The following LRRC53 variants were observed in gnomAD, a reference collection of about 807,000 sequenced individuals.
The protein encoded by LRRC53 is leucine-rich repeat-containing protein 53.
Under a neutral mutation model 13.6 loss-of-function variants are expected in LRRC53, and 25 were observed. That is an observed-to-expected ratio of 1.83 (90% CI 1.34 to 2.56). The LOEUF (loss-of-function observed/expected upper bound fraction) is 2.56. Ranked by LOEUF, LRRC53 falls within the 30% of genes most tolerant of loss-of-function variation. The pLI is 0.00. For synonymous variants in LRRC53, 204 were observed against 109.8 expected (o/e 1.86, Z -5.37); for missense variants, 527 against 275.8 (o/e 1.91, Z -6.45).
rs1054832155 is a variant in LRRC53 at position 74,471,501 on chromosome 1, G to A, written c.2121C>T (p.Asp707=). 4 of 400,424 alleles carry A rather than the reference G, an allele frequency of 1.0e-5. No homozygotes were observed. The highest frequency in any genetic ancestry group is 1.3e-5 in the Non-Finnish European group (3 of 226,138). The allele number at this position is 400,424 out of a possible 1,614,324, so 24.8% of individuals were successfully genotyped here. A position where few individuals can be genotyped will look rare whatever the true frequency, so the allele number is the denominator to read the frequency against. The stretch of plus-strand genomic sequence containing the variant: ...TTTGTCCTTTAATTTTCCCTTTGAG[G>A]TCAGACTGAGGGGTTCTCTTCCTTT... The part of the protein sequence containing the change: ...VLKRKRTPQS[D]LKGKIKGQNL... The change falls in exon 5 of 5, where the codon GAC becomes GAT. Residue 707 remains aspartate, a synonymous_variant. Transcript: ENST00000294635.
At chr1:74,529,769 G>GT in the LRRC53 span, among the ~76,000 whole-genome samples, 2 of 152,106 alleles carry the variant, frequency 1.3e-5, no homozygotes, top group East Asian at 3.9e-4. Context: ...TAAATGAAAA[G>GT]TTTTTTTAAG....
chr1:74,518,681 C>CT, the LRRC53 span, among the ~76,000 whole-genome samples: 1 of 151,978 alleles, frequency 6.6e-6, no homozygotes, highest in Non-Finnish European at 1.5e-5. Flanking sequence ...AAAACAATAT[C>CT]TGTTTTTTAA....
chr1:74,478,446 T>G (rs1570674147), intron 3 of LRRC53, among the ~76,000 whole-genome samples: 1 of 152,292 alleles, frequency 6.6e-6, no homozygotes, highest in East Asian at 1.9e-4. Context: ...TAAATATATT[T>G]CTGAATACAT....
At chr1:74,511,060 G>T (rs886260397) in intron 1 of LRRC53, among the ~76,000 whole-genome samples, 1 of 152,060 alleles carries the variant, frequency 6.6e-6, no homozygotes, top group African/African-American at 2.4e-5. Flanking sequence ...GCTAATGTTT[G>T]TATCTTTAGT....
chr1:74,493,436 G>C (rs1272911337), intron 1 of LRRC53, among the ~76,000 whole-genome samples: 1 of 152,228 alleles, frequency 6.6e-6, no homozygotes, highest in South Asian at 2.1e-4. Flanking sequence ...AAGAGAAAAA[G>C]AAATCAACAT....
At chr1:74,489,132 AAG>A in intron 1 of LRRC53, 1 of 1,489,846 alleles carries the variant, frequency 6.7e-7, no homozygotes, top group Non-Finnish European at 9.2e-7. Context: ...TTAACATCCA[AAG>A]AGAGTCTCCT....
chr1:74,528,867 G>T, the LRRC53 span, among the ~76,000 whole-genome samples: 1 of 152,162 alleles, frequency 6.6e-6, no homozygotes, highest in Non-Finnish European at 1.5e-5. Flanking sequence ...GGCACTTGAA[G>T]AAATGACAGA....
At chr1:74,531,742 G>C in the LRRC53 span, among the ~76,000 whole-genome samples, 3 of 152,152 alleles carry the variant, frequency 2.0e-5, no homozygotes, top group Non-Finnish European at 4.4e-5. Flanking sequence ...ATTATTGTAT[G>C]TGTTTCCTTT....
chr1:74,506,961 G>A (rs537467866), intron 1 of LRRC53, among the ~76,000 whole-genome samples: 94 of 152,038 alleles, frequency 6.2e-4, no homozygotes, highest in African/African-American at 2.2e-3. Context: ...GTTTCTTGAG[G>A]GGGAGAGCCA....
At chr1:74,525,906 A>G in the LRRC53 span, among the ~76,000 whole-genome samples, 13 of 152,340 alleles carry the variant, frequency 8.5e-5, no homozygotes, top group Non-Finnish European at 1.3e-4. Flanking sequence ...GAGGTTTTCA[A>G]TGAGAGCAAG....
the LRRC53 span, among the ~76,000 whole-genome samples, chr1:74,527,458 G>A: frequency 1.6e-4 from 25 of 152,314 alleles, no homozygotes; most frequent in Non-Finnish European, 2.5e-4. Flanking sequence ...CAAGTCTGCC[G>A]TAAGGAGACT....
chr1:74,501,621 G>T (rs1206831002), intron 1 of LRRC53, among the ~76,000 whole-genome samples: 1 of 151,992 alleles, frequency 6.6e-6, no homozygotes, highest in African/African-American at 2.4e-5. Context: ...CGAGTAGCTG[G>T]GATTACAGGC....
At chr1:74,492,500 C>T (rs564537907) in intron 1 of LRRC53, among the ~76,000 whole-genome samples, 2 of 152,080 alleles carry the variant, frequency 1.3e-5, no homozygotes, top group East Asian at 1.9e-4. Flanking sequence ...AAGTAAGACA[C>T]GTCTATTTCA....
At chr1:74,515,615 G>A (rs970900509), upstream of LRRC53, among the ~76,000 whole-genome samples, 1 of 152,140 alleles carries the variant, frequency 6.6e-6, no homozygotes, top group Non-Finnish European at 1.5e-5. Flanking sequence ...CATAACTCAG[G>A]GTGGGCAGGT....
At chr1:74,498,918 A>G (rs537625693) in intron 1 of LRRC53, among the ~76,000 whole-genome samples, 2 of 152,368 alleles carry the variant, frequency 1.3e-5, no homozygotes, top group East Asian at 3.9e-4. Context: ...GGTAGATTTC[A>G]TGTGCAGAGC....
At chr1:74,497,245 T>C (rs1447629647) in intron 1 of LRRC53, among the ~76,000 whole-genome samples, 1 of 152,174 alleles carries the variant, frequency 6.6e-6, no homozygotes, top group East Asian at 1.9e-4. Flanking sequence ...AAGGGGACCG[T>C]GTCCATTTGC....
rs72969892 is a variant in LRRC53 at position 74,481,022 on chromosome 1, G to A, written c.89-54C>T. The stretch of plus-strand genomic sequence containing the variant: ...CAGGGTACACATGAGTGGGAGGGAG[G>A]GGGTATGGTGGAGAGCAGAGAATCA... On this transcript the variant is annotated intron_variant, in intron 2 of 4. Coordinates refer to ENST00000294635, the MANE Select transcript of LRRC53 (RefSeq NM_001382280.1). 334 of 651,600 alleles carry A rather than the reference G, an allele frequency of 5.1e-4. 2 individuals are homozygous for A. The highest frequency in any genetic ancestry group is 5.0e-3 in the African/African-American group (276 of 55,576). The allele number at this position is 651,600 out of a possible 1,614,324, so 40.4% of individuals were successfully genotyped here. A position where few individuals can be genotyped will look rare whatever the true frequency, so the allele number is the denominator to read the frequency against.
At chr1:74,525,366 G>GT in the LRRC53 span, among the ~76,000 whole-genome samples, 1 of 152,172 alleles carries the variant, frequency 6.6e-6, no homozygotes, top group Non-Finnish European at 1.5e-5. Context: ...AAAAAGGAAT[G>GT]TGAGGCACAG....
intron 1 of LRRC53, among the ~76,000 whole-genome samples, chr1:74,493,396 A>G (rs1185487305): frequency 1.3e-5 from 2 of 152,202 alleles, no homozygotes; most frequent in African/African-American, 4.8e-5. Context: ...GCAAAAACAA[A>G]AAGATTAAGC....
Sources: gnomAD v4.1 joint callset for allele counts (sites outside exome capture counted in the v4.1 genomes callset) on GRCh38, gnomAD v4.1.1 for gene constraint, MANE v1.5 for transcripts, NCBI Gene and HGNC (gene_info 2026-07-23, HGNC 2026-07-21) for gene names.